The following PTCH2 variants were observed in gnomAD, a reference collection of about 807,000 sequenced individuals.
The protein encoded by PTCH2 is protein patched homolog 2.
In PTCH2, 96 loss-of-function variants were observed where a neutral mutation model predicts 117.9. The observed-to-expected ratio is 0.81, with a 90% CI of 0.69 to 0.96. The LOEUF is 0.96. PTCH2 is among the 50% of genes least tolerant of loss of function. The probability of loss-of-function intolerance (pLI) is 0.00; values close to 1 mark genes in which losing one functional copy is unlikely to be tolerated. For synonymous variants in PTCH2, 615 were observed against 660.9 expected (o/e 0.93, Z 1.06); for missense variants, 1,379 against 1,562.5 (o/e 0.88, Z 1.98).
Position 44,828,427 on chromosome 1 carries a change from C to G in PTCH2, c.1591-13G>C. ...CCACTATGGCCGCCTGGGGGACGGA[C>G]AGGAGGGGAATGAAGGCTGGATGAA... On this transcript the variant is annotated splice_polypyrimidine_tract_variant and intron_variant, in intron 12 of 21. Transcript: ENST00000372192. The G allele has an allele frequency of 6.2e-7, 1 of 1,614,086 alleles. No homozygotes were observed. Among genetic ancestry groups the G allele is most frequent in the Non-Finnish European group, 8.5e-7 (1 of 1,180,016 alleles).
At chr1:44,838,836 C>T (rs545444972) in intron 2 of PTCH2, among the ~76,000 whole-genome samples, 149 of 152,206 alleles carry the variant, frequency 9.8e-4, no homozygotes, top group Middle Eastern at 3.4e-3. Context: ...TCTCCTGCCT[C>T]AGCCTCTGGA....
chr1:44,827,641 AG>A lies in PTCH2; in HGVS notation c.2131del (p.Leu711TrpfsTer3). The A allele has an allele frequency of 6.2e-7, 1 of 1,613,510 alleles. No homozygotes were observed. Among genetic ancestry groups the A allele is most frequent in the Non-Finnish European group, 8.5e-7 (1 of 1,180,016 alleles). On this transcript the variant is annotated frameshift_variant, in exon 15 of 22. Transcript: ENST00000372192. LOFTEE classifies it high-confidence loss of function. Reference protein sequence around the residue: ...LYGATLVQDGLALTDVVPRGT... With the variant: ...LYGATLVQDGXALTDVVPRGT... ...CCGAGGCACCACATCCGTCAGGGCC[AG>A]GCCGTCTTGCACCAAGGTGGCTCCG...
chr1:44,830,041 A>G lies in PTCH2; in HGVS notation c.814-11T>C. The G allele has an allele frequency of 3.1e-6, 5 of 1,613,872 alleles. No individual in the cohort carries two copies. Among genetic ancestry groups the G allele is most frequent in the Non-Finnish European group, 4.2e-6 (5 of 1,179,900 alleles). On this transcript the variant is annotated splice_polypyrimidine_tract_variant and intron_variant, in intron 6 of 21. Coordinates refer to ENST00000372192, the MANE Select transcript of PTCH2 (RefSeq NM_003738.5). Reference sequence around the variant, plus strand: ...AGCCACATTGGGAGCCTGGAGGGGAACAGGAGGGGTTAATGCTCAAGGCCC... The same window carrying G: ...AGCCACATTGGGAGCCTGGAGGGGAGCAGGAGGGGTTAATGCTCAAGGCCC...
rs746289710 is a variant in PTCH2 at position 44,823,327 on chromosome 1, G to A, written c.3173C>T (p.Thr1058Ile). 1 of 1,614,238 alleles carries A rather than the reference G, an allele frequency of 6.2e-7. No homozygotes were observed. The highest frequency in any genetic ancestry group is 1.1e-5 in the South Asian group (1 of 91,090). Residue 1058 changes from threonine (T) to isoleucine (I), a missense_variant, in exon 20 of 22, where the codon ACA becomes ATA. Coordinates refer to ENST00000372192, the MANE Select transcript of PTCH2 (RefSeq NM_003738.5). This position sits in a 1 kb window ranked among gnomAD's most constrained non-coding sequence, Gnocchi z 5.1. ...GGCCCCATCGGTCACGGGGGCAAAT[G>A]TGTGCTCAAGGGCATGGGCGGCCCG... is the stretch of plus-strand genomic sequence containing the variant. ...NLRAAHALEH[T>I]FAPVTDGAIS...
chr1:44,822,253 G>A lies in PTCH2; in HGVS notation c.*162C>T. On this transcript the variant is annotated 3_prime_UTR_variant, in exon 22 of 22. Transcript: ENST00000372192. ...GGCCTGGATGTGCAAATCGGTGGCT[G>A]TTCTGTATGGATATCAGGGAGGCCC... The A allele has an allele frequency of 6.5e-7, 1 of 1,542,490 alleles. No individual in the cohort carries two copies.
intron 2 of PTCH2, among the ~76,000 whole-genome samples, chr1:44,834,621 CAAGAGA>C (rs1384985207): frequency 6.6e-6 from 1 of 152,104 alleles, no homozygotes; most frequent in African/African-American, 2.4e-5. Flanking sequence ...GATAAGAAAG[CAAGAGA>C]AAGAAACACG....
chr1:44,829,801 C>T, intron 7 of PTCH2, 40 bp from the exon 8 acceptor site: 1 of 1,614,142 alleles, frequency 6.2e-7, no homozygotes, highest in Non-Finnish European at 8.5e-7. Context: ...AGAGCTGGCC[C>T]AAACACCTGG....
rs1028638627 is a variant in PTCH2, at chr1:44,828,208, G to C, written c.1710-17C>G. ...GAGCAGGGACTGGAAGAGGTAGAGA[G>C]TGGATGACAGGTCTGTGCCTTGAAA... On this transcript the variant is annotated splice_polypyrimidine_tract_variant and intron_variant, in intron 13 of 21. Coordinates refer to ENST00000372192, the MANE Select transcript of PTCH2 (RefSeq NM_003738.5). 1 of 1,613,248 alleles carries C rather than the reference G, an allele frequency of 6.2e-7. No individual in the cohort carries two copies. Among genetic ancestry groups the C allele is most frequent in the Non-Finnish European group, 8.5e-7 (1 of 1,179,730 alleles).
At chr1:44,840,660 G>A (rs115171108) in intron 2 of PTCH2, among the ~76,000 whole-genome samples, 3 of 151,212 alleles carry the variant, frequency 2.0e-5, no homozygotes, top group African/African-American at 4.8e-5. Flanking sequence ...GCAGTGAGAC[G>A]ATATCAAGCC....
chr1:44,823,816 G>A lies in PTCH2; in HGVS notation c.3115-431C>T, dbSNP rs750364476. Among the ~76,000 whole-genome samples the A allele has an allele frequency of 4.6e-5, 7 of 152,152 alleles. No individual in the cohort carries two copies. Among genetic ancestry groups the A allele is most frequent in the Non-Finnish European group, 8.8e-5 (6 of 68,032 alleles). On this transcript the variant is annotated intron_variant, in intron 19 of 21. Coordinates refer to ENST00000372192, the MANE Select transcript of PTCH2 (RefSeq NM_003738.5). The surrounding 1 kb of genome is among the most constrained non-coding windows in gnomAD (Gnocchi z 5.1). ...TAGCTGGGTGTGGTTGTGTGTGCCT[G>A]TAGTCTCAGCTACTTGGGAGGCTGA...
rs1220433053 is a variant in PTCH2 at position 44,826,862 on chromosome 1, G to C, written c.2695+40C>G. 2.5e-6 allele frequency: 4 copies of C among 1,613,374 alleles called. No homozygotes were observed. ...GGCCTCAGGCTCAGGGCTTGTGTGG[G>C]CGAGGCTGAGGCTCTTGCCGAGCTC... On this transcript the variant is annotated intron_variant, in intron 17 of 21. Coordinates refer to ENST00000372192, the MANE Select transcript of PTCH2 (RefSeq NM_003738.5). This position sits in a 1 kb window ranked among gnomAD's most constrained non-coding sequence, Gnocchi z 5.1.
Position 44,828,066 on chromosome 1 carries a change from T to G in PTCH2, c.1835A>C (p.His612Pro), listed in dbSNP as rs374047719. 1 of 1,614,122 alleles carries G rather than the reference T, an allele frequency of 6.2e-7. No homozygotes were observed. Among genetic ancestry groups the G allele is most frequent in the Non-Finnish European group, 8.5e-7 (1 of 1,179,978 alleles). ...AFTHCEASSQ[H>P]VVTILPPQAH... ...TTGGGGAGGCAGGATGGTGACCACATGCTGGCTGCTGGCTTCACAGTGGGT... is the reference window on the plus strand; with the variant it reads ...TTGGGGAGGCAGGATGGTGACCACAGGCTGGCTGCTGGCTTCACAGTGGGT... The change falls in exon 14 of 22, where the codon CAT (histidine) becomes CCT (proline). Residue 612 changes from histidine to proline, a missense_variant. Coordinates refer to ENST00000372192, the MANE Select transcript of PTCH2 (RefSeq NM_003738.5).
intron 2 of PTCH2, among the ~76,000 whole-genome samples, chr1:44,836,999 C>A (rs146928812): frequency 6.6e-6 from 1 of 152,246 alleles, no homozygotes; most frequent in African/African-American, 2.4e-5. Context: ...AGAATGATTT[C>A]TTTTTCCTGA....
chr1:44,826,455 G>A lies in PTCH2; in HGVS notation c.2976+33C>T, dbSNP rs1653145445. 1 of 1,613,674 alleles carries A rather than the reference G, an allele frequency of 6.2e-7. No homozygotes were observed. The highest frequency in any genetic ancestry group is 8.5e-7 in the Non-Finnish European group (1 of 1,179,980). On this transcript the variant is annotated intron_variant, in intron 18 of 21. Transcript: ENST00000372192. The surrounding 1 kb of genome is among the most constrained non-coding windows in gnomAD (Gnocchi z 5.1). ...TGACAGGCTGGGCAGGGAAGGGTGGGGTGTCTCTGTCCCCACTCCTGCAAG... is the reference window on the plus strand; with the variant it reads ...TGACAGGCTGGGCAGGGAAGGGTGGAGTGTCTCTGTCCCCACTCCTGCAAG...
In PTCH2 at chr1:44,828,112, T is replaced by C; in HGVS notation, c.1789A>G (p.Thr597Ala). 1 of 1,614,026 alleles carries C rather than the reference T, an allele frequency of 6.2e-7. No individual in the cohort carries two copies. Among genetic ancestry groups the C allele is most frequent in the East Asian group, 2.2e-5 (1 of 44,876 alleles). ...GTVPVGIAHL[T>A]ATVQAFTHCE... ...TGGGTAAAGGCTTGAACTGTGGCAG[T>C]GAGGTGGGCAATGCCCACTGGTACT... is the stretch of plus-strand genomic sequence containing the variant. Residue 597 changes from threonine (T) to alanine (A), a missense_variant, in exon 14 of 22, where the codon ACT becomes GCT. By Grantham distance (58) the Thr-to-Ala change is moderately conservative. Coordinates refer to ENST00000372192, the MANE Select transcript of PTCH2 (RefSeq NM_003738.5).
In PTCH2 at chr1:44,828,631, C is replaced by T. The variant is rs374595059; in HGVS notation, c.1465G>A (p.Glu489Lys). ...TEALPGTPLQ[E>K]RMGECLQRTG... ...CGCTGCAGACACTCGCCCATGCGCT[C>T]CTGCCAGGACAGAGTGGGGACCTGC... The change falls in exon 12 of 22, where the codon GAG becomes AAG. Residue 489 changes from glutamate to lysine, a missense_variant and splice_region_variant. Coordinates refer to ENST00000372192, the MANE Select transcript of PTCH2 (RefSeq NM_003738.5). 11 of 1,611,612 alleles carry T rather than the reference C, an allele frequency of 6.8e-6. No individual in the cohort carries two copies. In the African/African-American group the frequency reaches 1.5e-4, roughly 22 times the overall value.
In PTCH2 at chr1:44,826,363, C is replaced by T; in HGVS notation, c.3001G>A (p.Val1001Met). ...LIVLVLAMMT[V>M]ELFGIMGFLG... is the part of the protein sequence containing the mutation. ...AAACCCATGATACCAAAGAGTTCCA[C>T]TGTCATCATCGCCAGGACCAGCACC... Residue 1001 changes from valine (V) to methionine (M), a missense_variant, in exon 19 of 22, where the codon GTG (valine) becomes ATG (methionine). By Grantham distance (21) the Val-to-Met change is conservative. Transcript: ENST00000372192. The surrounding 1 kb of genome is among the most constrained non-coding windows in gnomAD (Gnocchi z 5.1). 6.2e-7 allele frequency: 1 copy of T among 1,614,168 alleles called. No homozygotes were observed. Among genetic ancestry groups the T allele is most frequent in the South Asian group, 1.1e-5 (1 of 91,090 alleles).
intron 2 of PTCH2, among the ~76,000 whole-genome samples, chr1:44,834,151 C>T (rs1653581690): frequency 6.7e-6 from 1 of 149,000 alleles, no homozygotes; most frequent in Non-Finnish European, 1.5e-5. Flanking sequence ...CTGAGTTTCG[C>T]TCTTATTGCC....
Position 44,842,847 on chromosome 1 carries a change from C to T in PTCH2, c.72+14G>A, listed in dbSNP as rs202169933. On this transcript the variant is annotated intron_variant, in intron 1 of 21. Coordinates refer to ENST00000372192, the MANE Select transcript of PTCH2 (RefSeq NM_003738.5). ...CTCCGCTCTCTTCCTTCTTCCAGCT[C>T]CCCCTCTACTCACCTGGGGTGCTGC... is the stretch of plus-strand genomic sequence containing the variant. 117 of 1,547,736 alleles carry T rather than the reference C, an allele frequency of 7.6e-5. No homozygotes were observed. Among genetic ancestry groups the T allele is most frequent in the Non-Finnish European group, 9.6e-5 (110 of 1,143,502 alleles).
Sources: allele counts gnomAD v4.1 joint callset (sites outside exome capture counted in the v4.1 genomes callset), GRCh38; gene constraint gnomAD v4.1.1; non-coding constraint Gnocchi (gnomAD v3.1); transcripts MANE v1.5; gene names NCBI Gene and HGNC (gene_info 2026-07-23, HGNC 2026-07-21).